ARHGAP42: variants seen among roughly 807,000 people sequenced by gnomAD.
ARHGAP42 encodes rho GTPase-activating protein 42.
Under a neutral mutation model 125.0 loss-of-function variants are expected in ARHGAP42, and 63 were observed. That is an observed-to-expected ratio of 0.50 (90% CI 0.41 to 0.62). The LOEUF is 0.62. ARHGAP42 is among the 20% of genes least tolerant of loss of function. The pLI is 0.00. For synonymous variants in ARHGAP42, 339 were observed against 351.0 expected (o/e 0.97, Z 0.38); for missense variants, 766 against 1,024.2 (o/e 0.75, Z 3.44).
intron 5 of ARHGAP42, 50 bp from the exon 6 acceptor site, chr11:100,921,444 C>A (rs12417981): frequency 0.05 from 65,096 of 1,305,452 alleles, 2,499 homozygotes; most frequent in East Asian, 0.21. Context: ...GGAATTGAGT[C>A]CCTCTCTATG....
Position 100,942,419 on chromosome 11 carries a change from A to T in ARHGAP42, c.933+535A>T, listed in dbSNP as rs527932463. On this transcript the variant is annotated intron_variant, in intron 9 of 23. Coordinates refer to ENST00000298815, the MANE Select transcript of ARHGAP42 (RefSeq NM_152432.4). ...CACTGAAGGTCTCACATGGCTAGTGAACAGTATAGAATACAATGTACTTTG... is the reference window on the plus strand; with the variant it reads ...CACTGAAGGTCTCACATGGCTAGTGTACAGTATAGAATACAATGTACTTTG... Among the ~76,000 whole-genome samples, 5 of 152,304 alleles carry T rather than the reference A, an allele frequency of 3.3e-5. No homozygotes were observed. The East Asian group carries it at 9.7e-4, about 29-fold the overall frequency.
chr11:100,785,617 G>A (rs1343138888), intron 2 of ARHGAP42, among the ~76,000 whole-genome samples: 9 of 152,168 alleles, frequency 5.9e-5, no homozygotes, highest in Non-Finnish European at 1.3e-4. Flanking sequence ...GAGCATGAAT[G>A]GGATGCTTCA....
At chr11:100,795,415 C>CATAT (rs1863686751) in intron 3 of ARHGAP42, among the ~76,000 whole-genome samples, 1 of 151,950 alleles carries the variant, frequency 6.6e-6, no homozygotes, top group Non-Finnish European at 1.5e-5. Context: ...ATTTACTGTT[C>CATAT]TAAGGATTAA....
chr11:100,749,767 A>G (rs561826689), intron 1 of ARHGAP42, among the ~76,000 whole-genome samples: 3 of 152,176 alleles, frequency 2.0e-5, no homozygotes, highest in African/African-American at 4.8e-5. Context: ...AGGACTTATC[A>G]CCATCCACTG....
intron 2 of ARHGAP42, among the ~76,000 whole-genome samples, chr11:100,775,114 G>C (rs1209252452): frequency 6.6e-6 from 1 of 152,078 alleles, no homozygotes; most frequent in Non-Finnish European, 1.5e-5. Flanking sequence ...GTGAGCTTTG[G>C]CCTGTTCCCT....
intron 4 of ARHGAP42, among the ~76,000 whole-genome samples, chr11:100,899,734 G>GTTTTTTTTTTTTTTTTTTTT (rs1439404512): frequency 3.1e-5 from 2 of 63,796 alleles, no homozygotes; most frequent in Non-Finnish European, 6.1e-5. Context: ...TTTTTTTTTT[G>GTTTTTTTTTTTTTTTTTTTT]TTTTTTTTTG....
At chr11:100,958,940 T>G (rs1445354097) in intron 12 of ARHGAP42, among the ~76,000 whole-genome samples, 1 of 151,930 alleles carries the variant, frequency 6.6e-6, no homozygotes, top group Admixed American at 6.6e-5. Context: ...ATTTTTTTGA[T>G]ATATATTTTT....
chr11:100,888,432 G>C (rs4754709), intron 4 of ARHGAP42, among the ~76,000 whole-genome samples: 41,952 of 151,942 alleles, frequency 0.28, 7,143 homozygotes, highest in East Asian at 0.75. Context: ...CTAAAACAAA[G>C]TGGGGGATAT....
intron 1 of ARHGAP42, among the ~76,000 whole-genome samples, chr11:100,733,270 G>C (rs1313403056): frequency 6.6e-6 from 1 of 152,204 alleles, no homozygotes; most frequent in East Asian, 1.9e-4. Flanking sequence ...GGATTGTCAT[G>C]AGGATTATAT....
chr11:100,880,834 T>G (rs1487469044), intron 4 of ARHGAP42, among the ~76,000 whole-genome samples: 1 of 152,246 alleles, frequency 6.6e-6, no homozygotes, highest in Non-Finnish European at 1.5e-5. Context: ...GATTTGCATT[T>G]CCTGGATCAT....
At chr11:100,963,490 G>T (rs1056356414) in intron 16 of ARHGAP42, among the ~76,000 whole-genome samples, 1 of 152,150 alleles carries the variant, frequency 6.6e-6, no homozygotes, top group Non-Finnish European at 1.5e-5. Flanking sequence ...CACAATCCAA[G>T]AAATAAATTA....
In ARHGAP42 at chr11:100,713,774, G is replaced by GT. The variant is rs1555109277; in HGVS notation, c.154+25949dup. Among the ~76,000 whole-genome samples the GT allele has an allele frequency of 5.3e-5, 8 of 152,044 alleles. No individual in the cohort carries two copies. In the East Asian group the frequency reaches 1.2e-3, roughly 22 times the overall value. Reference sequence around the variant, plus strand: ...TTCTTTAGGGGATCTGCAGAAATTTGTTTTTTTGGAATTATTACTCTTATG... The same window carrying GT: ...TTCTTTAGGGGATCTGCAGAAATTTGTTTTTTTTGGAATTATTACTCTTATG... On this transcript the variant is annotated intron_variant, in intron 1 of 23. Transcript: ENST00000298815.
At chr11:100,706,547 T>A (rs981434582) in intron 1 of ARHGAP42, among the ~76,000 whole-genome samples, 11 of 152,216 alleles carry the variant, frequency 7.2e-5, no homozygotes, top group Admixed American at 3.3e-4. Flanking sequence ...AATTGATATT[T>A]GTATTAAATA....
At chr11:100,716,515 T>G (rs1017117045) in intron 1 of ARHGAP42, among the ~76,000 whole-genome samples, 5 of 152,224 alleles carry the variant, frequency 3.3e-5, no homozygotes, top group Non-Finnish European at 5.9e-5. Flanking sequence ...ATTGTCAATT[T>G]CTGAAGCATC....
chr11:100,753,003 TG>T (rs2120353628), intron 1 of ARHGAP42, among the ~76,000 whole-genome samples: 1 of 152,320 alleles, frequency 6.6e-6, no homozygotes, highest in African/African-American at 2.4e-5. Context: ...GGATGTACTC[TG>T]GTTTCCAGAT....
rs12417752 is a variant in ARHGAP42 at position 100,776,750 on chromosome 11, A to G, written c.250+6312A>G. Among the ~76,000 whole-genome samples the G allele has an allele frequency of 0.015, 2,319 of 152,234 alleles. 143 individuals carry two copies. In the East Asian group the frequency reaches 0.19, roughly 12 times the overall value. ...CCAGCACTAGCACTTTAGGAGGCCTAGGCAGGCAGATCACCTCAGGTCAGG... is the reference window on the plus strand; with the variant it reads ...CCAGCACTAGCACTTTAGGAGGCCTGGGCAGGCAGATCACCTCAGGTCAGG... On this transcript the variant is annotated intron_variant, in intron 2 of 23. Transcript: ENST00000298815.
At chr11:100,780,150 C>G (rs186292485) in intron 2 of ARHGAP42, among the ~76,000 whole-genome samples, 1 of 151,966 alleles carries the variant, frequency 6.6e-6, no homozygotes, top group Non-Finnish European at 1.5e-5. Flanking sequence ...TGTTATGTGA[C>G]AAGAACTGTG....
At chr11:100,862,556 C>T (rs1865469663) in intron 4 of ARHGAP42, among the ~76,000 whole-genome samples, 1 of 152,198 alleles carries the variant, frequency 6.6e-6, no homozygotes, top group Non-Finnish European at 1.5e-5. Context: ...TATGCCTTTG[C>T]CTGCTCACTG....
chr11:100,802,571 C>T (rs767091482), intron 3 of ARHGAP42, among the ~76,000 whole-genome samples: 1 of 151,988 alleles, frequency 6.6e-6, no homozygotes, highest in Non-Finnish European at 1.5e-5. Context: ...ACTACAGGCG[C>T]ACGCCACTAC....
Sources: gnomAD v4.1 joint callset for allele counts (sites outside exome capture counted in the v4.1 genomes callset) on GRCh38, gnomAD v4.1.1 for gene constraint, MANE v1.5 for transcripts, NCBI Gene and HGNC (gene_info 2026-07-23, HGNC 2026-07-21) for gene names.